The following MTA3 variants were observed in gnomAD, a reference collection of about 807,000 sequenced individuals.
MTA3 encodes the protein metastasis-associated protein MTA3.
In MTA3, 34 loss-of-function variants were observed where a neutral mutation model predicts 83.5. The ratio of observed to expected loss-of-function variants is 0.41; its 90% CI spans 0.31 to 0.54. The LOEUF (loss-of-function observed/expected upper bound fraction) is 0.54, where lower values mean the gene tolerates loss of function less well. MTA3 is among the 20% of genes least tolerant of loss of function. The pLI is 0.33. For synonymous variants in MTA3, 303 were observed against 252.7 expected, an observed-to-expected ratio of 1.20 and a Z score of -1.89; for missense variants, 761 against 726.4, an observed-to-expected ratio of 1.05 and a Z score of -0.55.
chr2:42,693,221 C>G (rs1693075453), intron 9 of MTA3, among the ~76,000 whole-genome samples: 1 of 152,114 alleles, frequency 6.6e-6, no homozygotes, highest in Non-Finnish European at 1.5e-5. Flanking sequence ...TGGGTCATGC[C>G]TGTCGTAACT....
intron 4 of MTA3, among the ~76,000 whole-genome samples, chr2:42,620,246 G>C (rs758082205): frequency 6.6e-6 from 1 of 151,482 alleles, no homozygotes; most frequent in Non-Finnish European, 1.5e-5. Flanking sequence ...AGCCTCCCGA[G>C]TAGCTGGAAT....
chr2:42,594,655 T>TATATATACACACATATATAA (rs1558472600), intron 3 of MTA3, among the ~76,000 whole-genome samples: 4 of 9,846 alleles, frequency 4.1e-4, no homozygotes, highest in East Asian at 3.8e-3. Context: ...TATATATAAA[T>TATATATACACACATATATAA]ATATATATAC....
At chr2:42,668,634 C>A (rs566364283) in intron 8 of MTA3, among the ~76,000 whole-genome samples, 6 of 152,272 alleles carry the variant, frequency 3.9e-5, no homozygotes, top group Admixed American at 2.6e-4. Context: ...GCCTCATTTA[C>A]TTCTGATTTT....
At chr2:42,666,933 T>C (rs1433908294) in intron 8 of MTA3, among the ~76,000 whole-genome samples, 6 of 152,366 alleles carry the variant, frequency 3.9e-5, no homozygotes, top group African/African-American at 1.4e-4. Flanking sequence ...TTTAATGTTT[T>C]ATAGAGAGCG....
At position 42,680,529 on chromosome 2, in the gene MTA3, G is replaced by T. The variant is rs149236702; in HGVS notation, c.703-1872G>T. On this transcript the variant is annotated intron_variant, in intron 8 of 16. Transcript: ENST00000405094. The stretch of plus-strand genomic sequence containing the variant: ...TAGAAAGTCTGGGTGGGGGTGAGAG[G>T]TGGGGAGAAAAACAGAACTAGTTCT... Among the ~76,000 whole-genome samples the T allele has an allele frequency of 6.2e-3, 937 of 152,316 alleles. 3 individuals carry two copies. Among genetic ancestry groups the T allele is most frequent in the Middle Eastern group, 0.017 (5 of 294 alleles).
intron 2 of MTA3, among the ~76,000 whole-genome samples, chr2:42,528,017 C>T (rs1216528169): frequency 2.0e-5 from 3 of 152,078 alleles, no homozygotes; most frequent in African/African-American, 4.8e-5. Context: ...CTCCACCTCC[C>T]GGGTTCAAGT....
intron 12 of MTA3, 74 bp downstream of exon 12, chr2:42,704,392 G>A (rs1665884227): frequency 1.9e-6 from 3 of 1,585,322 alleles, no homozygotes; most frequent in Admixed American, 1.7e-5. Context: ...TCTGGGAAGT[G>A]CCTGAGGTCA....
chr2:42,685,720 T>C (rs910238966), intron 9 of MTA3, among the ~76,000 whole-genome samples: 1 of 152,188 alleles, frequency 6.6e-6, no homozygotes, highest in African/African-American at 2.4e-5. Context: ...ATTTGTTGTA[T>C]TTTGGAGACT....
intron 2 of MTA3, among the ~76,000 whole-genome samples, chr2:42,507,042 T>G (rs1387793427): frequency 6.6e-6 from 1 of 152,042 alleles, no homozygotes; most frequent in Non-Finnish European, 1.5e-5. Flanking sequence ...GTAGCTGGAG[T>G]AGCATGCGTG....
At chr2:42,673,897 C>T (rs1046343687) in intron 8 of MTA3, among the ~76,000 whole-genome samples, 4 of 152,212 alleles carry the variant, frequency 2.6e-5, no homozygotes, top group African/African-American at 9.6e-5. Context: ...ACACTTCTGG[C>T]AACTAGGTGA....
chr2:42,612,068 A>G (rs903282847), intron 4 of MTA3, among the ~76,000 whole-genome samples: 1 of 152,222 alleles, frequency 6.6e-6, no homozygotes, highest in African/African-American at 2.4e-5. Context: ...AGGCCGGGTA[A>G]TATGGGAATA....
At chr2:42,572,789 G>A (rs1344921906) in intron 2 of MTA3, among the ~76,000 whole-genome samples, 2 of 152,040 alleles carry the variant, frequency 1.3e-5, no homozygotes, top group Non-Finnish European at 2.9e-5. Flanking sequence ...GTGCAATGGC[G>A]CAATCTTGGC....
chr2:42,552,889 G>A (rs1677182229), intron 2 of MTA3, among the ~76,000 whole-genome samples: 1 of 151,442 alleles, frequency 6.6e-6, no homozygotes, highest in Non-Finnish European at 1.5e-5. Flanking sequence ...GGTGGAAGCT[G>A]CATTGAGCCG....
intron 8 of MTA3, among the ~76,000 whole-genome samples, chr2:42,661,182 G>A (rs371155242): frequency 1.3e-5 from 2 of 152,066 alleles, no homozygotes; most frequent in African/African-American, 4.8e-5. Context: ...TTAGAGCTTC[G>A]AGAATATTTT....
chr2:42,735,363 T>G (rs994638512), intron 16 of MTA3, among the ~76,000 whole-genome samples: 1 of 152,314 alleles, frequency 6.6e-6, no homozygotes. Context: ...ATGATATTTG[T>G]TCCTTTTCTC....
At chr2:42,524,256 C>T (rs1675563681) in intron 2 of MTA3, among the ~76,000 whole-genome samples, 1 of 151,888 alleles carries the variant, frequency 6.6e-6, no homozygotes, top group African/African-American at 2.4e-5. Context: ...GATTGACCTC[C>T]TGAAAAAGAG....
At chr2:42,502,258 G>A (rs1018985866) in intron 2 of MTA3, among the ~76,000 whole-genome samples, 13 of 152,248 alleles carry the variant, frequency 8.5e-5, no homozygotes, top group Admixed American at 1.3e-4. Context: ...AAAAAAGAAC[G>A]TTGGCTCTGG....
At chr2:42,639,551 A>C (rs1481084605) in intron 4 of MTA3, among the ~76,000 whole-genome samples, 2 of 152,154 alleles carry the variant, frequency 1.3e-5, no homozygotes, top group African/African-American at 2.4e-5. Context: ...CTCAGATCAA[A>C]TGTAAGTGCT....
chr2:42,747,124 C>T (rs1414796368), intron 16 of MTA3, among the ~76,000 whole-genome samples: 3 of 152,102 alleles, frequency 2.0e-5, no homozygotes, highest in South Asian at 2.1e-4. Flanking sequence ...GTCAGCCTCC[C>T]GAGTAGCTGG....
Sources: gnomAD v4.1 joint callset for allele counts (sites outside exome capture counted in the v4.1 genomes callset) on GRCh38, gnomAD v4.1.1 for gene constraint, MANE v1.5 for transcripts, NCBI Gene and HGNC (gene_info 2026-07-23, HGNC 2026-07-21) for gene names.